The following P3H2 variants were observed in gnomAD, a reference collection of about 807,000 sequenced individuals.
P3H2 encodes the protein leprecan-like 1.
In P3H2, 80 loss-of-function variants were observed where a neutral mutation model predicts 87.0. That is an observed-to-expected ratio of 0.92 (90% CI 0.77 to 1.11). The LOEUF is 1.11. P3H2 is among the 50% of genes least tolerant of loss of function. The pLI is 0.00. For synonymous variants in P3H2, 367 were observed against 359.3 expected, an observed-to-expected ratio of 1.02 and a Z score of -0.24; for missense variants, 1,001 against 923.9, an observed-to-expected ratio of 1.08 and a Z score of -1.08.
chr3:189,970,824 T>G lies in P3H2; in HGVS notation c.1885A>C (p.Thr629Pro), dbSNP rs1345436294. 1.9e-6 allele frequency: 3 copies of G among 1,574,748 alleles called. No homozygotes were observed. In the African/African-American group the frequency reaches 4.0e-5, roughly 21 times the overall value. Reference protein sequence around the residue: ...EFIFTEMDAKTVTASIKPKCG... With the variant: ...EFIFTEMDAKPVTASIKPKCG... ...AGAATAGGTTTACTTACAGTCACAGTCTTAGCATCCATCTCTGTGAATATG... is the reference window on the plus strand; with the variant it reads ...AGAATAGGTTTACTTACAGTCACAGGCTTAGCATCCATCTCTGTGAATATG... The change falls in exon 13 of 15, where the codon ACT (threonine) becomes CCT (proline). Residue 629 changes from threonine (T) to proline (P), a missense_variant. Thr to Pro is a conservative substitution (Grantham distance 38). Transcript: ENST00000319332.
intron 1 of P3H2, among the ~76,000 whole-genome samples, chr3:190,038,960 C>A (rs1305106779): frequency 3.2e-4 from 48 of 152,102 alleles, no homozygotes; most frequent in Non-Finnish European, 7.1e-4. Flanking sequence ...GAAGCCAAGG[C>A]GGGCGGATCA....
chr3:190,054,910 A>G (rs536355165), intron 1 of P3H2, among the ~76,000 whole-genome samples: 3 of 152,226 alleles, frequency 2.0e-5, no homozygotes, highest in South Asian at 2.1e-4. Context: ...CTCTTTCAAT[A>G]TCCCTCTTAA....
Position 189,993,758 on chromosome 3 carries a change from T to C in P3H2, c.823+336A>G, listed in dbSNP as rs538654411. Among the ~76,000 whole-genome samples, 205 of 152,206 alleles carry C rather than the reference T, an allele frequency of 1.3e-3. 1 individual carries two copies. The highest frequency in any genetic ancestry group is 2.3e-3 in the Non-Finnish European group (155 of 67,998). On this transcript the variant is annotated intron_variant, in intron 3 of 14. Coordinates refer to ENST00000319332, the MANE Select transcript of P3H2 (RefSeq NM_018192.4). ...ATACAATAAAATGGCTCTACGTACT[T>C]ACGTGAGAAGAAGTCCACAATATAT...
At chr3:190,015,861 T>C (rs1003236511) in intron 1 of P3H2, among the ~76,000 whole-genome samples, 2 of 152,184 alleles carry the variant, frequency 1.3e-5, no homozygotes, top group African/African-American at 4.8e-5. Flanking sequence ...GGACTGGAGA[T>C]AAATGGTCCA....
At chr3:189,958,851 T>C (rs1560335124) in intron 14 of P3H2, among the ~76,000 whole-genome samples, 2 of 151,744 alleles carry the variant, frequency 1.3e-5, no homozygotes, top group Non-Finnish European at 1.5e-5. Flanking sequence ...TTACAGGCGC[T>C]CACCACCATG....
At chr3:189,968,563 A>G (rs1223299098) in intron 13 of P3H2, among the ~76,000 whole-genome samples, 1 of 152,308 alleles carries the variant, frequency 6.6e-6, no homozygotes, top group East Asian at 1.9e-4. Context: ...ATACATGTGC[A>G]TATGTCTTTA....
rs146658869 is a variant in P3H2 at position 190,043,649 on chromosome 3, C to G, written c.481-48207G>C. Among the ~76,000 whole-genome samples the G allele has an allele frequency of 3.1e-3, 474 of 152,312 alleles. 3 individuals are homozygous for G. Among genetic ancestry groups the G allele is most frequent in the African/African-American group, 0.011 (452 of 41,572 alleles). On this transcript the variant is annotated intron_variant, in intron 1 of 14. Transcript: ENST00000319332. ...AAATATACATATAATAAAATGATCA[C>G]TACACTCAAACTAACACATCCCTCA...
intron 1 of P3H2, among the ~76,000 whole-genome samples, chr3:190,033,065 GGAACTCGGAACCTA>G (rs1446878621): frequency 1.3e-4 from 20 of 152,326 alleles, no homozygotes; most frequent in Admixed American, 4.6e-4. Context: ...GATCTCATAA[GGAACTCGGAACCTA>G]GATCCCCCAC....
rs1241531050 is a variant in P3H2, at chr3:190,019,783, AAAATATAT to A, written c.481-24349_481-24342del. ...CCATGTGACATTACCTAGAAATTAA[AAAATATAT>A]ATATATATATATATATATATATATA... is the stretch of plus-strand genomic sequence containing the variant. On this transcript the variant is annotated intron_variant, in intron 1 of 14. Coordinates refer to ENST00000319332, the MANE Select transcript of P3H2 (RefSeq NM_018192.4). 8.5e-4 allele frequency among the ~76,000 whole-genome samples: 84 copies of A among 99,216 alleles called. 6 individuals carry two copies. The highest frequency in any genetic ancestry group is 3.1e-3 in the African/African-American group (74 of 23,674). 65.1% of individuals were successfully genotyped at this position (99,216 alleles called of 152,430 possible). A position where few individuals can be genotyped will look rare whatever the true frequency, so the allele number is the denominator to read the frequency against.
intron 1 of P3H2, among the ~76,000 whole-genome samples, chr3:190,026,340 G>A (rs997538996): frequency 3.9e-5 from 6 of 152,176 alleles, no homozygotes; most frequent in African/African-American, 1.4e-4. Flanking sequence ...ATTCCCAGAT[G>A]GTTAGGCATT....
chr3:190,113,140 G>A (rs928396267), intron 1 of P3H2, among the ~76,000 whole-genome samples: 1 of 152,152 alleles, frequency 6.6e-6, no homozygotes, highest in Non-Finnish European at 1.5e-5. Flanking sequence ...TGATTCACTA[G>A]ACCACCCCTC....
chr3:190,015,583 G>A lies in P3H2; in HGVS notation c.481-20141C>T, dbSNP rs555212336. ...TTGTCTCCCTCAATCATCTTCTTTC[G>A]ACCAACCTTGAACTACTCCTCAAGA... is the stretch of plus-strand genomic sequence containing the variant. On this transcript the variant is annotated intron_variant, in intron 1 of 14. Coordinates refer to ENST00000319332, the MANE Select transcript of P3H2 (RefSeq NM_018192.4). Among the ~76,000 whole-genome samples the A allele has an allele frequency of 5.9e-5, 9 of 151,956 alleles. No individual in the cohort carries two copies. In the South Asian group the frequency reaches 1.0e-3, roughly 18 times the overall value.
At chr3:190,054,196 GC>G (rs1170060702) in intron 1 of P3H2, among the ~76,000 whole-genome samples, 1 of 152,128 alleles carries the variant, frequency 6.6e-6, no homozygotes. Flanking sequence ...TTTTCTAAAT[GC>G]CTTATTTATC....
chr3:189,995,243 G>T, intron 2 of P3H2, 47 bp downstream of exon 2: 1 of 1,595,696 alleles, frequency 6.3e-7, no homozygotes, highest in Non-Finnish European at 8.6e-7. Context: ...ATGAAACTTA[G>T]GAGCACTTAG....
chr3:190,037,589 C>T (rs771083112), intron 1 of P3H2, among the ~76,000 whole-genome samples: 4 of 152,150 alleles, frequency 2.6e-5, no homozygotes, highest in Non-Finnish European at 5.9e-5. Flanking sequence ...ACCTTATTAG[C>T]ATGACTCTCT....
At chr3:190,030,537 G>A (rs909877003) in intron 1 of P3H2, among the ~76,000 whole-genome samples, 1 of 152,192 alleles carries the variant, frequency 6.6e-6, no homozygotes, top group Non-Finnish European at 1.5e-5. Context: ...GCCTCGGCAA[G>A]AGAGTGAGAC....
chr3:190,022,367 G>A (rs77475553), intron 1 of P3H2, among the ~76,000 whole-genome samples: 2,943 of 134,818 alleles, frequency 0.022, 453 homozygotes, highest in African/African-American at 0.07. Context: ...TCCAGCCAGG[G>A]GACCAAAATG....
chr3:190,029,547 T>A (rs1037881089), intron 1 of P3H2, among the ~76,000 whole-genome samples: 3 of 152,112 alleles, frequency 2.0e-5, no homozygotes, highest in African/African-American at 7.2e-5. Flanking sequence ...GCACTTGATA[T>A]AATTTCTGAC....
At chr3:190,043,320 C>A (rs1453067896) in intron 1 of P3H2, among the ~76,000 whole-genome samples, 1 of 152,134 alleles carries the variant, frequency 6.6e-6, no homozygotes, top group African/African-American at 2.4e-5. Flanking sequence ...ACCAGAGTTG[C>A]TAACCTCCAG....
Sources: allele counts gnomAD v4.1 joint callset (sites outside exome capture counted in the v4.1 genomes callset), GRCh38; gene constraint gnomAD v4.1.1; transcripts MANE v1.5; gene names NCBI Gene and HGNC (gene_info 2026-07-23, HGNC 2026-07-21).